TRRAP: variants seen among roughly 807,000 people sequenced by gnomAD.
The protein encoded by TRRAP is transformation/transcription domain associated protein, also known as transformation/transcription domain-associated protein.
TRRAP carries 41 observed loss-of-function variants against 438.8 expected under a neutral mutation model. The ratio of observed to expected loss-of-function variants is 0.09; its 90% CI spans 0.07 to 0.12. The LOEUF (loss-of-function observed/expected upper bound fraction) is 0.12. TRRAP is among the 10% of genes least tolerant of loss of function. The pLI, the probability that TRRAP is intolerant of heterozygous loss-of-function variation, is 1.00. For synonymous variants in TRRAP, 1,994 were observed against 1,962.9 expected, an observed-to-expected ratio of 1.02 and a Z score of -0.42; for missense variants, 3,122 against 5,055.1, an observed-to-expected ratio of 0.62 and a Z score of 11.60.
Position 98,929,995 on chromosome 7 carries a change from T to C in TRRAP, c.3182T>C (p.Phe1061Ser). Reference protein sequence around the residue: ...MVAVAQQCGPFLLPCYQVGSQ... With the variant: ...MVAVAQQCGPSLLPCYQVGSQ... ...TTCCCATCTCTCCTTTTAGGCCCTT[T>C]CTTGCTGCCTTGCTACCAGGTGGGC... The change falls in exon 24 of 73, where the codon TTC (phenylalanine) becomes TCC (serine). Residue 1061 changes from phenylalanine (F) to serine (S), a missense_variant. By Grantham distance (155) the Phe-to-Ser change is radical. This residue lies in a region of TRRAP where 54 missense variants were observed against 74.6 expected (regional missense o/e 0.72). Transcript: ENST00000456197. 6.2e-7 allele frequency: 1 copy of C among 1,614,146 alleles called. No individual in the cohort carries two copies.
In TRRAP at chr7:98,990,483, A is replaced by G; in HGVS notation, c.9620A>G (p.Asp3207Gly). 1 of 1,613,504 alleles carries G rather than the reference A, an allele frequency of 6.2e-7. No homozygotes were observed. Among genetic ancestry groups the G allele is most frequent in the Non-Finnish European group, 8.5e-7 (1 of 1,179,446 alleles). The change falls in exon 64 of 73, where the codon GAC becomes GGC. Residue 3207 changes from aspartate (D) to glycine (G), a missense_variant. Physicochemically the swap from Asp to Gly is moderately conservative, Grantham distance 94 (BLOSUM62 -1). Transcript: ENST00000456197. ...KVLWLLSFDD[D>G]KNTLADAVDK... is the part of the protein sequence containing the mutation. ...CTGTGGCTTTTGAGTTTTGATGATG[A>G]CAAAAACACTTTGGCAGATGCCGTC...
intron 56 of TRRAP, 129 bp from the exon 57 acceptor site, chr7:98,978,082 T>G: frequency 1.2e-6 from 1 of 801,440 alleles, no homozygotes; most frequent in South Asian, 1.8e-5. Flanking sequence ...GAATTAAGAG[T>G]TTGAGTCCAG....
At chr7:98,995,142 C>G (rs1793593057) in intron 67 of TRRAP, among the ~76,000 whole-genome samples, 1 of 152,150 alleles carries the variant, frequency 6.6e-6, no homozygotes, top group South Asian at 2.1e-4. Context: ...ACCCTTCCTT[C>G]ACTTGTTTTT....
intron 65 of TRRAP, among the ~76,000 whole-genome samples, 174 bp downstream of exon 65, chr7:98,992,401 C>A (rs1793465451): frequency 6.6e-6 from 1 of 152,228 alleles, no homozygotes; most frequent in South Asian, 2.1e-4. Flanking sequence ...GATCTGAGTA[C>A]AGTCTCTCTT....
intron 70 of TRRAP, among the ~76,000 whole-genome samples, chr7:99,009,378 T>G (rs987168068): frequency 1.3e-5 from 2 of 151,944 alleles, no homozygotes; most frequent in Non-Finnish European, 2.9e-5. Flanking sequence ...GAGGACTTAG[T>G]TTGGTTGAGG....
At chr7:99,006,199 A>G (rs1045089596) in intron 69 of TRRAP, among the ~76,000 whole-genome samples, 2 of 152,202 alleles carry the variant, frequency 1.3e-5, no homozygotes, top group African/African-American at 2.4e-5. Flanking sequence ...TCCAGAGAAG[A>G]GAGCCACTTT....
intron 41 of TRRAP, among the ~76,000 whole-genome samples, chr7:98,955,830 C>T (rs1554419530): frequency 6.6e-6 from 1 of 151,600 alleles, no homozygotes; most frequent in Non-Finnish European, 1.5e-5. Flanking sequence ...ATGTCAAGTT[C>T]TGAAGTTTGA....
intron 53 of TRRAP, among the ~76,000 whole-genome samples, 156 bp downstream of exon 53, chr7:98,972,101 G>A (rs1377077544): frequency 6.6e-6 from 1 of 152,152 alleles, no homozygotes. Context: ...GCAGTCTAGT[G>A]GCGCAGTCGC....
chr7:98,986,758 T>G (rs946816986), intron 62 of TRRAP, among the ~76,000 whole-genome samples: 1 of 152,228 alleles, frequency 6.6e-6, no homozygotes, highest in African/African-American at 2.4e-5. Flanking sequence ...TCACGTCTTC[T>G]AAGAAACCAT....
At chr7:98,892,315 C>A in intron 4 of TRRAP, 109 bp from the exon 5 acceptor site, 2 of 889,816 alleles carry the variant, frequency 2.2e-6, no homozygotes, top group Non-Finnish European at 3.5e-6. Context: ...GTGGTTCATT[C>A]CTAGTGCTGG....
Position 98,948,501 on chromosome 7 carries a change from G to C in TRRAP, c.4669-65G>C, listed in dbSNP as rs1791187345. ...ACTCCAGTAACAAGGGACCTTGTTA[G>C]GTAGACAGCCTCAAGCTCTGAGAAG... On this transcript the variant is annotated intron_variant, in intron 34 of 72. Coordinates refer to ENST00000456197, the MANE Select transcript of TRRAP (RefSeq NM_001375524.1). This position sits in a 1 kb window ranked among gnomAD's most constrained non-coding sequence, Gnocchi z 4.9. 1.2e-6 allele frequency: 2 copies of C among 1,613,518 alleles called. No homozygotes were observed. Among genetic ancestry groups the C allele is most frequent in the Non-Finnish European group, 1.7e-6 (2 of 1,179,944 alleles).
In TRRAP at chr7:98,978,005, G is replaced by C. The variant is rs1048852485; in HGVS notation, c.8386-206G>C. ...GTGAAAAGGCTGTGTTTCTTAGCCA[G>C]GTGCAGGCAGGCACCTGTAGCCCAG... On this transcript the variant is annotated intron_variant, in intron 56 of 72. Transcript: ENST00000456197. Among the ~76,000 whole-genome samples the C allele has an allele frequency of 2.0e-5, 3 of 152,236 alleles. No homozygotes were observed. Among genetic ancestry groups the C allele is most frequent in the Non-Finnish European group, 2.9e-5 (2 of 68,050 alleles).
intron 22 of TRRAP, among the ~76,000 whole-genome samples, chr7:98,925,598 A>C (rs1790013500): frequency 6.6e-6 from 1 of 152,240 alleles, no homozygotes; most frequent in Non-Finnish European, 1.5e-5. Context: ...CCTGAAAGGC[A>C]TGCAGTGGAC....
intron 27 of TRRAP, 135 bp from the exon 28 acceptor site, chr7:98,935,444 T>G: frequency 1.4e-6 from 1 of 693,120 alleles, no homozygotes; most frequent in Non-Finnish European, 2.2e-6. Flanking sequence ...ACTTAAAATC[T>G]TTAGGATTTG....
Position 98,965,703 on chromosome 7 carries a change from C to T in TRRAP, c.6984C>T (p.Ser2328=), listed in dbSNP as rs544736956. ...CTTAATTGGGGCGAGCAGGTACAAGCGAGCTGGTGATGCTGAGTCTGGAGC... is the reference window on the plus strand; with the variant it reads ...CTTAATTGGGGCGAGCAGGTACAAGTGAGCTGGTGATGCTGAGTCTGGAGC... ...SGSTEATSGT[S]ELVMLSLELV... The change falls in exon 49 of 73, where the codon AGC becomes AGT. Residue 2328 remains serine (S), a synonymous_variant. Transcript: ENST00000456197. The T allele has an allele frequency of 3.7e-5, 59 of 1,613,980 alleles. No individual in the cohort carries two copies. Among genetic ancestry groups the T allele is most frequent in the East Asian group, 3.1e-4 (14 of 44,880 alleles).
Position 98,927,330 on chromosome 7 carries a change from C to T in TRRAP, c.3139C>T (p.Arg1047Cys). Residue 1047 changes from arginine (R) to cysteine (C), a missense_variant, in exon 23 of 73, where the codon CGC becomes TGC. Physicochemically the swap from Arg to Cys is radical, Grantham distance 180. Around this residue, in one of 24 missense-constraint regions of TRRAP, gnomAD observed 54 missense variants for 74.6 expected, o/e 0.72. Coordinates refer to ENST00000456197, the MANE Select transcript of TRRAP (RefSeq NM_001375524.1). ...CCTGCCCTTTGTCGCCAGCTTGATC[C>T]GCCACTATACGATGGTGGCAGTCGC... ...SALPFVASLIRHYTMVAVAQQ... is the reference protein window; with the variant it reads ...SALPFVASLICHYTMVAVAQQ... 6.2e-7 allele frequency: 1 copy of T among 1,614,172 alleles called. No individual in the cohort carries two copies. The highest frequency in any genetic ancestry group is 8.5e-7 in the Non-Finnish European group (1 of 1,180,040).
intron 40 of TRRAP, among the ~76,000 whole-genome samples, chr7:98,954,381 C>G (rs114652914): frequency 1.3e-5 from 2 of 152,216 alleles, no homozygotes; most frequent in Non-Finnish European, 2.9e-5. Context: ...TCTGTGAGAC[C>G]GTCTTTGACA....
chr7:98,955,446 T>C, intron 41 of TRRAP, 142 bp downstream of exon 41: 1 of 861,490 alleles, frequency 1.2e-6, no homozygotes, highest in Non-Finnish European at 1.8e-6. Context: ...AGTTTGTGTA[T>C]GTGTGTATGG....
chr7:98,902,460 C>T (rs1257488868), intron 11 of TRRAP, among the ~76,000 whole-genome samples: 5 of 151,938 alleles, frequency 3.3e-5, no homozygotes, highest in Non-Finnish European at 1.5e-5. Context: ...TTTTGTATGG[C>T]TTTTATTTCA....
Sources: gnomAD v4.1 joint callset for allele counts (sites outside exome capture counted in the v4.1 genomes callset) on GRCh38, gnomAD v4.1.1 for gene constraint, gnomAD v4.1.1 regional missense constraint, Gnocchi (gnomAD v3.1) non-coding constraint, MANE v1.5 for transcripts, NCBI Gene and HGNC (gene_info 2026-07-23, HGNC 2026-07-21) for gene names.